GEN1: variants seen among roughly 807,000 people sequenced by gnomAD.
The protein encoded by GEN1 is GEN1 structure-specific endonuclease.
Under a neutral mutation model 67.6 loss-of-function variants are expected in GEN1, and 64 were observed. The ratio of observed to expected loss-of-function variants is 0.95; its 90% confidence interval spans 0.77 to 1.17. The LOEUF is 1.17. GEN1 is among the 50% of genes most tolerant of loss of function. The pLI, the probability that GEN1 is intolerant of heterozygous loss-of-function variation, is 0.00. For missense variants in GEN1, 1,058 were observed against 1,048.3 expected, an observed-to-expected ratio of 1.01 and a Z score of -0.13; for synonymous variants, 371 against 359.4, an observed-to-expected ratio of 1.03 and a Z score of -0.37.
At chr2:17,753,474 C>T (rs1435899663), upstream of GEN1, among the ~76,000 whole-genome samples, 1 of 145,062 alleles carries the variant, frequency 6.9e-6, no homozygotes, top group Admixed American at 6.8e-5. Flanking sequence ...ACGGACATCT[C>T]CCGCCCGGGC....
chr2:17,754,186 C>G lies in GEN1; in HGVS notation c.-175C>G, dbSNP rs1041701540. The G allele has an allele frequency of 6.6e-6, 1 of 151,170 alleles. No homozygotes were observed. Among genetic ancestry groups the G allele is most frequent in the Non-Finnish European group, 1.5e-5 (1 of 67,956 alleles). The allele number at this position is 151,170 out of a possible 1,614,324, so 9.4% of individuals were successfully genotyped here. A position where few individuals can be genotyped will look rare whatever the true frequency, so the allele number is the denominator to read the frequency against. ...TGCTCCTGGGCCTGGCGGTTGAGCC[C>G]GGGGAGCTAGTCTTTGCTTGGGTAA... On this transcript the variant is annotated 5_prime_UTR_variant, in exon 1 of 14. Transcript: ENST00000381254.
intron 2 of GEN1, among the ~76,000 whole-genome samples, chr2:17,760,852 G>A (rs561577031): frequency 2.7e-4 from 40 of 150,702 alleles, no homozygotes; most frequent in Non-Finnish European, 4.4e-4. Flanking sequence ...AACCTGGGAG[G>A]TGGAGGTTGC....
At chr2:17,773,338 T>C (rs764413443) in intron 10 of GEN1, 39 bp downstream of exon 10, 32 of 1,247,922 alleles carry the variant, frequency 2.6e-5, no homozygotes, top group Non-Finnish European at 3.2e-5. Context: ...TATGAAGTTA[T>C]ATGCTGGAAA....
chr2:17,776,710 G>T (rs1468934794), intron 11 of GEN1, among the ~76,000 whole-genome samples: 1 of 152,218 alleles, frequency 6.6e-6, no homozygotes, highest in South Asian at 2.1e-4. Context: ...ATGCTGGAGT[G>T]ATGTTTCAAA....
rs111823913 is a variant in GEN1 at position 17,781,474 on chromosome 2, C to T, written c.2262C>T (p.Val754=). The T allele has an allele frequency of 2.3e-5, 37 of 1,613,462 alleles. No individual in the cohort carries two copies. In the African/African-American group the frequency reaches 4.4e-4, roughly 19 times the overall value. ...LQEDYKVNTS[V]PYSVSNTVVK... ...AAGACTATAAAGTCAATACTTCTGT[C>T]CCTTATTCTGTCAGTAACACAGTGG... The change falls in exon 14 of 14, where the codon GTC becomes GTT. Residue 754 remains valine (V), a synonymous_variant. Coordinates refer to ENST00000381254, the MANE Select transcript of GEN1 (RefSeq NM_001130009.3).
chr2:17,754,633 G>A (rs1671313957), intron 1 of GEN1: 1 of 152,268 alleles, frequency 6.6e-6, no homozygotes, highest in African/African-American at 2.4e-5. Context: ...CCCCGGGCAT[G>A]CGATGGGGAT....
chr2:17,781,284 C>T lies in GEN1; in HGVS notation c.2072C>T (p.Pro691Leu), dbSNP rs1672819461. The T allele has an allele frequency of 6.2e-7, 1 of 1,613,514 alleles. No individual in the cohort carries two copies. Among genetic ancestry groups the T allele is most frequent in the Non-Finnish European group, 8.5e-7 (1 of 1,179,648 alleles). Reference protein sequence around the residue: ...KLSYPQDNLQPDVNLKTLSIL... With the variant: ...KLSYPQDNLQLDVNLKTLSIL... Reference sequence around the variant, plus strand: ...TCATATCCTCAGGATAATCTACAACCAGATGTCAACCTGAAAACTTTGTCC... The same window carrying T: ...TCATATCCTCAGGATAATCTACAACTAGATGTCAACCTGAAAACTTTGTCC... Residue 691 changes from proline to leucine, a missense_variant, in exon 14 of 14, where the codon CCA becomes CTA. By Grantham distance (98) the Pro-to-Leu change is moderately conservative. Transcript: ENST00000381254.
At chr2:17,776,334 C>T (rs1228273425) in intron 11 of GEN1, among the ~76,000 whole-genome samples, 2 of 151,350 alleles carry the variant, frequency 1.3e-5, no homozygotes, top group East Asian at 3.9e-4. Context: ...CATAAAGGAC[C>T]TTTTTTTTAG....
chr2:17,781,095 T>G lies in GEN1; in HGVS notation c.1883T>G (p.Ile628Ser). 6.2e-7 allele frequency: 1 copy of G among 1,613,676 alleles called. No individual in the cohort carries two copies. Among genetic ancestry groups the G allele is most frequent in the East Asian group, 2.2e-5 (1 of 44,864 alleles). The change falls in exon 14 of 14, where the codon ATC (isoleucine) becomes AGC (serine). Residue 628 changes from isoleucine (I) to serine (S), a missense_variant. Ile to Ser is a moderately radical substitution (Grantham distance 142). Coordinates refer to ENST00000381254, the MANE Select transcript of GEN1 (RefSeq NM_001130009.3). Reference sequence around the variant, plus strand: ...GCCATCCCTGATGGCTTTGAAAATATCCCAGAACAACTGTCCTGTGAATCA... The same window carrying G: ...GCCATCCCTGATGGCTTTGAAAATAGCCCAGAACAACTGTCCTGTGAATCA... ...LSAIPDGFEN[I>S]PEQLSCESER...
At chr2:17,765,938 T>A (rs1280705956) in intron 4 of GEN1, among the ~76,000 whole-genome samples, 1 of 123,884 alleles carries the variant, frequency 8.1e-6, no homozygotes, top group African/African-American at 2.8e-5. Context: ...GGGGAATGTT[T>A]ACTTTCTATA....
intron 7 of GEN1, 84 bp downstream of exon 7, chr2:17,771,371 T>G: frequency 1.2e-6 from 1 of 818,948 alleles, no homozygotes; most frequent in Non-Finnish European, 2.1e-6. Flanking sequence ...CATGCCAATA[T>G]TAATAATACT....
intron 4 of GEN1, among the ~76,000 whole-genome samples, chr2:17,765,446 A>T (rs945492178): frequency 2.6e-5 from 4 of 152,258 alleles, no homozygotes; most frequent in African/African-American, 4.8e-5. Flanking sequence ...AGCATTGTTA[A>T]TAATTACAAA....
chr2:17,778,353 T>TGC (rs1672628460), intron 12 of GEN1, among the ~76,000 whole-genome samples: 1 of 55,402 alleles, frequency 1.8e-5, no homozygotes, highest in African/African-American at 6.8e-5. Flanking sequence ...CACACATGTG[T>TGC]GTACATATAT....
intron 1 of GEN1, chr2:17,754,840 G>C (rs974431982): frequency 6.6e-6 from 1 of 152,140 alleles, no homozygotes; most frequent in Non-Finnish European, 1.5e-5. Flanking sequence ...CTAAATAAAC[G>C]TCAGAAGTAA....
intron 12 of GEN1, 115 bp from the exon 13 acceptor site, chr2:17,779,863 G>A (rs534125296): frequency 7.6e-5 from 53 of 700,624 alleles, no homozygotes; most frequent in African/African-American, 7.3e-4. Flanking sequence ...CTCATGATCC[G>A]CCCGCCTTGG....
chr2:17,777,150 G>A (rs1672469981), intron 11 of GEN1, among the ~76,000 whole-genome samples: 1 of 151,964 alleles, frequency 6.6e-6, no homozygotes, highest in African/African-American at 2.4e-5. Context: ...ATTTTTTAAA[G>A]TGTTGTTAAA....
At chr2:17,760,483 C>T (rs1671622783) in intron 2 of GEN1, among the ~76,000 whole-genome samples, 1 of 152,352 alleles carries the variant, frequency 6.6e-6, no homozygotes, top group South Asian at 2.1e-4. Context: ...TGTCCAGAGG[C>T]ACCACCTCAG....
At chr2:17,771,045 G>T (rs1294187317) in intron 6 of GEN1, 151 bp from the exon 7 acceptor site, 4 of 680,192 alleles carry the variant, frequency 5.9e-6, no homozygotes, top group South Asian at 1.5e-5. Flanking sequence ...GTGACTGAGG[G>T]TTTTCCCACA....
In GEN1 at chr2:17,781,867, C is replaced by A. The variant is rs190550780; in HGVS notation, c.2655C>A (p.Asn885Lys). Reference protein sequence around the residue: ...LSSLQCHKKENNSGTCLDSPL... With the variant: ...LSSLQCHKKEKNSGTCLDSPL... ...CTCTACAATGTCATAAGAAAGAAAACAACTCTGGTACTTGTTTGGATAGCC... is the reference window on the plus strand; with the variant it reads ...CTCTACAATGTCATAAGAAAGAAAAAAACTCTGGTACTTGTTTGGATAGCC... The change falls in exon 14 of 14, where the codon AAC becomes AAA. Residue 885 changes from asparagine to lysine, a missense_variant. By Grantham distance (94) the Asn-to-Lys change is moderately conservative. Coordinates refer to ENST00000381254, the MANE Select transcript of GEN1 (RefSeq NM_001130009.3). 1.3e-4 allele frequency: 215 copies of A among 1,601,798 alleles called. No homozygotes were observed. The highest frequency in any genetic ancestry group is 1.7e-4 in the Non-Finnish European group (202 of 1,176,768).
Sources: allele counts gnomAD v4.1 joint callset (sites outside exome capture counted in the v4.1 genomes callset), GRCh38; gene constraint gnomAD v4.1.1; transcripts MANE v1.5; gene names NCBI Gene and HGNC (gene_info 2026-07-23, HGNC 2026-07-21).